RGSL1: variants seen among roughly 807,000 people sequenced by gnomAD.
RGSL1 encodes the protein regulator of G protein signaling protein-like.
Under a neutral mutation model 124.7 loss-of-function variants are expected in RGSL1, and 97 were observed. The observed-to-expected ratio is 0.78, with a 90% CI of 0.66 to 0.92. The LOEUF (loss-of-function observed/expected upper bound fraction) is 0.92. Ranked by LOEUF, RGSL1 falls within the 40% of genes least tolerant of loss-of-function variation. RGSL1 has a pLI of 0.00. For missense variants in RGSL1, 1,233 were observed against 1,288.4 expected (o/e 0.96, Z 0.66); for synonymous variants, 424 against 438.1 (o/e 0.97, Z 0.40).
chr1:182,491,340 A>G (rs777847257), intron 8 of RGSL1, among the ~76,000 whole-genome samples: 15 of 151,876 alleles, frequency 9.9e-5, no homozygotes, highest in Non-Finnish European at 1.8e-4. Flanking sequence ...CTCAGCCTCC[A>G]GAGTAGCTGG....
chr1:182,540,095 G>A (rs1659795620), intron 14 of RGSL1, among the ~76,000 whole-genome samples, 152 bp from the exon 15 acceptor site: 1 of 152,194 alleles, frequency 6.6e-6, no homozygotes, highest in Admixed American at 6.5e-5. Context: ...TCAAGTCCAA[G>A]TAAAAGGTTG....
chr1:182,521,455 T>C (rs1441404007), intron 9 of RGSL1, among the ~76,000 whole-genome samples: 1 of 152,228 alleles, frequency 6.6e-6, no homozygotes, highest in Non-Finnish European at 1.5e-5. Context: ...ACTTGCATGG[T>C]GTGCTAGAAT....
chr1:182,543,907 G>A (rs1660048300), intron 15 of RGSL1, among the ~76,000 whole-genome samples: 1 of 151,850 alleles, frequency 6.6e-6, no homozygotes, highest in African/African-American at 2.4e-5. Flanking sequence ...GCCTTTATCA[G>A]TCTAGCTAAA....
chr1:182,464,696 C>G (rs1329042651), intron 4 of RGSL1, among the ~76,000 whole-genome samples: 1 of 151,034 alleles, frequency 6.6e-6, no homozygotes, highest in Non-Finnish European at 1.5e-5. Context: ...TGCACTCTAG[C>G]CTAGCTGACA....
At chr1:182,536,751 C>T (rs540941335) in intron 14 of RGSL1, among the ~76,000 whole-genome samples, 1 of 152,230 alleles carries the variant, frequency 6.6e-6, no homozygotes, top group East Asian at 1.9e-4. Context: ...CAGAGAGGAG[C>T]TTGTGTAGGG....
At chr1:182,494,205 A>G (rs1245617427) in intron 9 of RGSL1, among the ~76,000 whole-genome samples, 1 of 152,218 alleles carries the variant, frequency 6.6e-6, no homozygotes, top group Non-Finnish European at 1.5e-5. Flanking sequence ...TGAATTGTCC[A>G]GTATCTGCTA....
chr1:182,522,817 T>C (rs777357304), intron 10 of RGSL1, among the ~76,000 whole-genome samples: 12 of 152,228 alleles, frequency 7.9e-5, no homozygotes, highest in Non-Finnish European at 1.8e-4. Context: ...TTCCAACTTC[T>C]TGACTTGACT....
chr1:182,447,967 T>TG (rs1321050294), upstream of RGSL1: 2 of 143,180 alleles, frequency 1.4e-5, no homozygotes, highest in Non-Finnish European at 3.1e-5. Flanking sequence ...AGCTCTGAAA[T>TG]TTAAAAAAAA....
At chr1:182,500,868 A>G (rs1419405385) in intron 9 of RGSL1, among the ~76,000 whole-genome samples, 1 of 152,184 alleles carries the variant, frequency 6.6e-6, no homozygotes, top group Non-Finnish European at 1.5e-5. Context: ...TTTGTTTACT[A>G]GGTTTAATAG....
intron 5 of RGSL1, 54 bp downstream of exon 5, chr1:182,472,611 T>A: frequency 6.9e-7 from 1 of 1,451,850 alleles, no homozygotes; most frequent in Non-Finnish European, 9.2e-7. Context: ...GTAAATCCAG[T>A]GTCTGATAAT....
intron 17 of RGSL1, 192 bp downstream of exon 17, chr1:182,549,016 G>T: frequency 1.6e-6 from 1 of 622,454 alleles, no homozygotes; most frequent in Non-Finnish European, 2.6e-6. Flanking sequence ...ATCCACAGAT[G>T]GAAGGCAGAG....
chr1:182,560,500 G>T lies in RGSL1; in HGVS notation c.*387G>T, dbSNP rs1163899850. ...ATCCAAGTGTCATCCGGAGGAGGAG[G>T]TGGCCCGTATGTGCAGGACCTCAGG... On this transcript the variant is annotated 3_prime_UTR_variant, in exon 22 of 22. Transcript: ENST00000294854. 6.6e-6 allele frequency: 1 copy of T among 152,200 alleles called. No individual in the cohort carries two copies. Among genetic ancestry groups the T allele is most frequent in the Non-Finnish European group, 1.5e-5 (1 of 68,052 alleles). The allele number at this position is 152,200 out of a possible 1,614,324, so 9.4% of individuals were successfully genotyped here. A position where few individuals can be genotyped will look rare whatever the true frequency, so the allele number is the denominator to read the frequency against.
intron 6 of RGSL1, among the ~76,000 whole-genome samples, chr1:182,483,549 C>A (rs1264696345): frequency 6.6e-6 from 1 of 152,032 alleles, no homozygotes; most frequent in East Asian, 1.9e-4. Context: ...CTATGACATA[C>A]ACATAAAATA....
chr1:182,501,262 T>C (rs1034690622), intron 9 of RGSL1, among the ~76,000 whole-genome samples: 5 of 39,462 alleles, frequency 1.3e-4, no homozygotes, highest in South Asian at 5.5e-4. Context: ...CTTTCTCTCT[T>C]TCTCTCTTTC....
intron 9 of RGSL1, among the ~76,000 whole-genome samples, chr1:182,516,957 T>G (rs1303117575): frequency 2.6e-5 from 4 of 152,170 alleles, no homozygotes; most frequent in African/African-American, 9.6e-5. Context: ...CTTCAAATGT[T>G]TTTTCATTTG....
intron 6 of RGSL1, among the ~76,000 whole-genome samples, chr1:182,477,138 G>T (rs1654352501): frequency 6.6e-6 from 1 of 152,172 alleles, no homozygotes; most frequent in South Asian, 2.1e-4. Flanking sequence ...CCAAGTTGGA[G>T]GTTGCACCAC....
chr1:182,509,805 G>A lies in RGSL1; in HGVS notation c.1826-12199G>A, dbSNP rs1384232607. Reference sequence around the variant, plus strand: ...TCCCTCCCGGATGGGGCGGCTGGCCGGGCGGGGGGCTGACCCCCCCCCACC... The same window carrying A: ...TCCCTCCCGGATGGGGCGGCTGGCCAGGCGGGGGGCTGACCCCCCCCCACC... On this transcript the variant is annotated intron_variant, in intron 9 of 21. Transcript: ENST00000294854. Among the ~76,000 whole-genome samples, 11 of 119,732 alleles carry A rather than the reference G, an allele frequency of 9.2e-5. No individual in the cohort carries two copies. The South Asian group carries it at 1.4e-3, about 15-fold the overall frequency. 78.5% of individuals were successfully genotyped at this position (119,732 alleles called of 152,430 possible).
intron 19 of RGSL1, among the ~76,000 whole-genome samples, chr1:182,554,296 A>G (rs957336364): frequency 6.6e-6 from 1 of 152,186 alleles, no homozygotes; most frequent in Non-Finnish European, 1.5e-5. Flanking sequence ...CCTGTGATCC[A>G]TAGGCTCCAA....
At chr1:182,459,308 T>C (rs1652611253) in intron 3 of RGSL1, among the ~76,000 whole-genome samples, 1 of 152,156 alleles carries the variant, frequency 6.6e-6, no homozygotes, top group South Asian at 2.1e-4. Context: ...TTCCACTATG[T>C]AGACCTTAGA....
Sources: gnomAD v4.1 joint callset for allele counts (sites outside exome capture counted in the v4.1 genomes callset) on GRCh38, gnomAD v4.1.1 for gene constraint, MANE v1.5 for transcripts, NCBI Gene and HGNC (gene_info 2026-07-23, HGNC 2026-07-21) for gene names.